The following JMJD1C variants were observed in gnomAD, a reference collection of about 807,000 sequenced individuals.
The protein encoded by JMJD1C is jumonji domain containing 1C.
Under a neutral mutation model 245.3 loss-of-function variants are expected in JMJD1C, and 31 were observed. That is an observed-to-expected ratio of 0.13 (90% CI 0.09 to 0.17). The LOEUF (loss-of-function observed/expected upper bound fraction) is 0.17. JMJD1C is among the 10% of genes least tolerant of loss of function. JMJD1C has a pLI of 1.00. For missense variants in JMJD1C, 2,691 were observed against 3,000.2 expected, an observed-to-expected ratio of 0.90 and a Z score of 2.41; for synonymous variants, 1,057 against 1,017.4, an observed-to-expected ratio of 1.04 and a Z score of -0.74.
chr10:63,201,804 C>T (rs755548662), intron 10 of JMJD1C, among the ~76,000 whole-genome samples: 6 of 151,966 alleles, frequency 3.9e-5, no homozygotes, highest in African/African-American at 7.3e-5. Context: ...GTGGCGCATA[C>T]CTGTAGTCCC....
At chr10:63,306,999 G>C (rs561660733) in intron 2 of JMJD1C, among the ~76,000 whole-genome samples, 6 of 151,984 alleles carry the variant, frequency 3.9e-5, no homozygotes, top group African/African-American at 7.3e-5. Context: ...GCTTGTACTC[G>C]AACTGTACTG....
At position 63,270,080 on chromosome 10, in the gene JMJD1C, G is replaced by A. The variant is rs147378246; in HGVS notation, c.334-5316C>T. On this transcript the variant is annotated intron_variant, in intron 2 of 25. Coordinates refer to ENST00000399262, the MANE Select transcript of JMJD1C (RefSeq NM_032776.3). ...AATACTGTAAAATTAATACACCTAT[G>A]TTAAAATTTTGATGTAAAGACAATT... Among the ~76,000 whole-genome samples, 330 of 152,262 alleles carry A rather than the reference G, an allele frequency of 2.2e-3. 2 individuals carry two copies. Among genetic ancestry groups the A allele is most frequent in the African/African-American group, 7.5e-3 (313 of 41,550 alleles).
At chr10:63,474,161 A>G (rs1589810866) in intron 1 of JMJD1C, among the ~76,000 whole-genome samples, 1 of 152,142 alleles carries the variant, frequency 6.6e-6, no homozygotes, top group Admixed American at 6.5e-5. Flanking sequence ...ATCTTTACTG[A>G]TAACAGCCTT....
At chr10:63,484,241 GATAGATA>G (rs1564963375) in intron 1 of JMJD1C, among the ~76,000 whole-genome samples, 2,963 of 45,520 alleles carry the variant, frequency 0.065, 42 homozygotes, top group African/African-American at 0.14. Context: ...TGGATGGATA[GATAGATA>G]GATAGATAGA....
intron 3 of JMJD1C, among the ~76,000 whole-genome samples, chr10:63,239,282 T>C (rs1167933724): frequency 6.6e-6 from 1 of 152,114 alleles, no homozygotes; most frequent in Non-Finnish European, 1.5e-5. Flanking sequence ...GGAAGAAAAC[T>C]GAAAGACTGT....
intron 2 of JMJD1C, among the ~76,000 whole-genome samples, chr10:63,370,646 C>T (rs1946238070): frequency 6.6e-6 from 1 of 152,146 alleles, no homozygotes; most frequent in Admixed American, 6.5e-5. Flanking sequence ...TAAAACAAGC[C>T]TTAAATAATC....
chr10:63,179,448 T>C (rs911400290), intron 22 of JMJD1C, among the ~76,000 whole-genome samples: 1 of 150,260 alleles, frequency 6.7e-6, no homozygotes, highest in African/African-American at 2.5e-5. Flanking sequence ...AAATGTGATA[T>C]ACATACACAA....
At chr10:63,471,675 A>G (rs1299801176) in intron 1 of JMJD1C, among the ~76,000 whole-genome samples, 2 of 152,238 alleles carry the variant, frequency 1.3e-5, no homozygotes, top group African/African-American at 4.8e-5. Flanking sequence ...ACTAAATAAC[A>G]GTTTTTAAAC....
intron 13 of JMJD1C, among the ~76,000 whole-genome samples, chr10:63,195,994 T>G (rs917591777): frequency 6.6e-6 from 1 of 151,642 alleles, no homozygotes; most frequent in East Asian, 1.9e-4. Flanking sequence ...ACTATGAAAA[T>G]CAGCAGGCTG....
chr10:63,221,405 A>G (rs1848582557), intron 3 of JMJD1C, among the ~76,000 whole-genome samples: 1 of 152,180 alleles, frequency 6.6e-6, no homozygotes, highest in Non-Finnish European at 1.5e-5. Context: ...AACATAGTGA[A>G]AGCCAACAGG....
At chr10:63,263,957 C>CAA in intron 3 of JMJD1C, among the ~76,000 whole-genome samples, 1 of 57,190 alleles carries the variant, frequency 1.7e-5, no homozygotes, top group Non-Finnish European at 3.0e-5. Context: ...AAAAAATACA[C>CAA]ATACACACAC....
intron 12 of JMJD1C, among the ~76,000 whole-genome samples, chr10:63,197,947 C>T (rs1845632166): frequency 6.6e-6 from 1 of 152,178 alleles, no homozygotes; most frequent in Admixed American, 6.5e-5. Flanking sequence ...AAAGATGTCT[C>T]CAGTCATTGC....
intron 2 of JMJD1C, among the ~76,000 whole-genome samples, chr10:63,336,258 C>T (rs10761743): frequency 0.66 from 100,801 of 151,760 alleles, 36,080 homozygotes; most frequent in Non-Finnish European, 0.81. Context: ...GTCAGGAGTT[C>T]GAGACCAGCC....
intron 24 of JMJD1C, among the ~76,000 whole-genome samples, chr10:63,172,768 C>T (rs1842490876): frequency 6.6e-6 from 1 of 150,422 alleles, no homozygotes; most frequent in Non-Finnish European, 1.5e-5. Context: ...TTACAGATAC[C>T]TGACAGAAAA....
chr10:63,177,676 T>A, intron 23 of JMJD1C, 41 bp downstream of exon 23: 2 of 1,604,874 alleles, frequency 1.2e-6, no homozygotes, highest in Non-Finnish European at 1.7e-6. Context: ...AATAAGTCCT[T>A]GCTTGAGGGG....
At chr10:63,433,536 A>T (rs527670627) in intron 1 of JMJD1C, among the ~76,000 whole-genome samples, 2 of 150,780 alleles carry the variant, frequency 1.3e-5, no homozygotes, top group African/African-American at 4.9e-5. Flanking sequence ...CTCAATGACA[A>T]TTTTCAAACT....
chr10:63,434,267 C>CA (rs1419486454), intron 1 of JMJD1C, among the ~76,000 whole-genome samples: 1 of 152,066 alleles, frequency 6.6e-6, no homozygotes, highest in Non-Finnish European at 1.5e-5. Flanking sequence ...CCTGAAACAA[C>CA]AAAAAACCTG....
intron 2 of JMJD1C, among the ~76,000 whole-genome samples, chr10:63,363,792 C>G (rs1360258650): frequency 2.6e-5 from 4 of 151,798 alleles, no homozygotes; most frequent in Non-Finnish European, 4.4e-5. Context: ...GATCCTCCCC[C>G]TCTGGCCCCA....
At chr10:63,457,101 G>GT (rs1272725716) in intron 1 of JMJD1C, among the ~76,000 whole-genome samples, 1 of 152,116 alleles carries the variant, frequency 6.6e-6, no homozygotes, top group African/African-American at 2.4e-5. Flanking sequence ...TTTCAGCTTA[G>GT]TTTTTAATAC....
Sources: gnomAD v4.1 joint callset for allele counts (sites outside exome capture counted in the v4.1 genomes callset) on GRCh38, gnomAD v4.1.1 for gene constraint, MANE v1.5 for transcripts, NCBI Gene and HGNC (gene_info 2026-07-23, HGNC 2026-07-21) for gene names.